Variants in OPCML observed in about 807,000 individuals in gnomAD.
The protein encoded by OPCML is opioid-binding protein/cell adhesion molecule.
A neutral mutation model predicts 37.8 loss-of-function variants in OPCML; 13 were observed. The ratio of observed to expected loss-of-function variants is 0.34; its 90% confidence interval spans 0.22 to 0.55. The LOEUF is 0.55. Among genes scored for constraint, OPCML ranks in the 20% least tolerant of loss-of-function variants. The pLI is 0.91. For missense variants in OPCML, 341 were observed against 435.6 expected (o/e 0.78, Z 1.93); for synonymous variants, 176 against 168.8 (o/e 1.04, Z -0.33).
At chr11:132,487,805 G>A (rs56054044) in intron 4 of OPCML, among the ~76,000 whole-genome samples, 6 of 152,302 alleles carry the variant, frequency 3.9e-5, no homozygotes, top group African/African-American at 7.2e-5. Context: ...CATCACTCAC[G>A]ATTGGCCATG....
At position 132,638,690 on chromosome 11, in the gene OPCML, T is replaced by A. The variant is rs372833774; in HGVS notation, c.379+18397A>T. Among the ~76,000 whole-genome samples, 93 of 152,274 alleles carry A rather than the reference T, an allele frequency of 6.1e-4. 1 individual carries two copies. Among genetic ancestry groups the A allele is most frequent in the African/African-American group, 2.2e-3 (91 of 41,552 alleles). On this transcript the variant is annotated intron_variant, in intron 3 of 7. Coordinates refer to ENST00000524381, the MANE Select transcript of OPCML (RefSeq NM_001012393.5). Reference sequence around the variant, plus strand: ...TCCATCCAGATCTGCTGCTTGTGATTCAACAGGCCCTGTGACCCCACCCAA... The same window carrying A: ...TCCATCCAGATCTGCTGCTTGTGATACAACAGGCCCTGTGACCCCACCCAA...
intron 1 of OPCML, among the ~76,000 whole-genome samples, chr11:133,111,001 T>C (rs1949243578): frequency 6.6e-6 from 1 of 152,120 alleles, no homozygotes; most frequent in Non-Finnish European, 1.5e-5. Flanking sequence ...ATCCATATGG[T>C]TTTTGATGAG....
intron 1 of OPCML, among the ~76,000 whole-genome samples, chr11:132,981,003 C>T (rs1946570186): frequency 6.6e-6 from 1 of 152,244 alleles, no homozygotes; most frequent in African/African-American, 2.4e-5. Context: ...TGTTACTATA[C>T]TGAATACTGC....
chr11:132,911,470 A>C (rs571274018), intron 2 of OPCML, among the ~76,000 whole-genome samples: 2 of 152,230 alleles, frequency 1.3e-5, no homozygotes, highest in African/African-American at 4.8e-5. Flanking sequence ...ATTCATCAAG[A>C]CATCCCGAGG....
chr11:133,113,211 A>G (rs1309210091), intron 1 of OPCML, among the ~76,000 whole-genome samples: 3 of 152,200 alleles, frequency 2.0e-5, no homozygotes, highest in East Asian at 1.9e-4. Flanking sequence ...ATCTCTTTCC[A>G]TCTGCCTTAT....
chr11:132,753,584 T>C (rs1215957617), intron 2 of OPCML, among the ~76,000 whole-genome samples: 2 of 149,926 alleles, frequency 1.3e-5, no homozygotes, highest in South Asian at 2.1e-4. Flanking sequence ...ATATGGATAA[T>C]AGGTAGACAG....
At chr11:132,990,690 T>C (rs1376151568) in intron 1 of OPCML, among the ~76,000 whole-genome samples, 1 of 152,176 alleles carries the variant, frequency 6.6e-6, no homozygotes, top group African/African-American at 2.4e-5. Flanking sequence ...TTTTTAAATA[T>C]ATGGCAAACC....
At chr11:132,840,120 C>T (rs564471464) in intron 2 of OPCML, among the ~76,000 whole-genome samples, 1 of 152,192 alleles carries the variant, frequency 6.6e-6, no homozygotes, top group East Asian at 1.9e-4. Flanking sequence ...CCACAGCAGC[C>T]ATCAGACAAT....
chr11:132,815,302 C>T (rs925181534), intron 2 of OPCML, among the ~76,000 whole-genome samples: 6 of 152,232 alleles, frequency 3.9e-5, no homozygotes, highest in East Asian at 1.9e-4. Flanking sequence ...CCTGTCAGCC[C>T]GCTGAATATT....
intron 3 of OPCML, among the ~76,000 whole-genome samples, chr11:132,615,830 A>G (rs2137879366): frequency 6.6e-6 from 1 of 152,352 alleles, no homozygotes; most frequent in Middle Eastern, 3.4e-3. Flanking sequence ...GAACCTGTAG[A>G]GAAGAAGAAT....
At chr11:132,544,252 C>A (rs1032793770) in intron 3 of OPCML, among the ~76,000 whole-genome samples, 1 of 152,038 alleles carries the variant, frequency 6.6e-6, no homozygotes, top group Non-Finnish European at 1.5e-5. Context: ...TACTCCAGAC[C>A]ATAACGTCAC....
At chr11:132,618,445 G>A (rs1034600578) in intron 3 of OPCML, among the ~76,000 whole-genome samples, 1 of 152,140 alleles carries the variant, frequency 6.6e-6, no homozygotes, top group African/African-American at 2.4e-5. Flanking sequence ...GTAGGTTGCA[G>A]TGAGCCGAGA....
intron 1 of OPCML, among the ~76,000 whole-genome samples, chr11:133,438,248 A>G: frequency 6.6e-6 from 1 of 152,210 alleles, no homozygotes; most frequent in East Asian, 1.9e-4. Context: ...ATAGCTGTCG[A>G]CAGAATTGTT....
intron 3 of OPCML, among the ~76,000 whole-genome samples, chr11:132,587,912 G>A (rs1755617729): frequency 6.6e-6 from 1 of 152,118 alleles, no homozygotes; most frequent in Non-Finnish European, 1.5e-5. Flanking sequence ...ATCTACCCTA[G>A]TGATTCACTT....
intron 1 of OPCML, among the ~76,000 whole-genome samples, chr11:133,239,825 C>T (rs929925531): frequency 6.6e-6 from 1 of 152,108 alleles, no homozygotes; most frequent in Non-Finnish European, 1.5e-5. Flanking sequence ...CAAAAGATCC[C>T]AGGAATGACA....
rs138364559 is a variant in OPCML, at chr11:133,052,130, C to T, written c.62-109120G>A. Among the ~76,000 whole-genome samples, 9 of 152,262 alleles carry T rather than the reference C, an allele frequency of 5.9e-5. No individual in the cohort carries two copies. In the East Asian group the frequency reaches 1.7e-3, roughly 29 times the overall value. ...CCCTTTGATTAAAATACACCAAAAA[C>T]ACTGTTCTGATGAGTAGGACATTAA... On this transcript the variant is annotated intron_variant, in intron 1 of 7. Transcript: ENST00000524381.
intron 2 of OPCML, among the ~76,000 whole-genome samples, chr11:132,710,252 T>C (rs1054187799): frequency 6.6e-6 from 1 of 152,104 alleles, no homozygotes; most frequent in African/African-American, 2.4e-5. Context: ...AAGAATTCAG[T>C]TTTTTTCTCA....
At chr11:133,376,530 T>G (rs1339606387) in intron 1 of OPCML, among the ~76,000 whole-genome samples, 1 of 152,216 alleles carries the variant, frequency 6.6e-6, no homozygotes, top group Non-Finnish European at 1.5e-5. Context: ...GTACATACTA[T>G]GTAGACATGT....
At chr11:132,796,993 T>C (rs1262397713) in intron 2 of OPCML, among the ~76,000 whole-genome samples, 1 of 152,218 alleles carries the variant, frequency 6.6e-6, no homozygotes, top group Non-Finnish European at 1.5e-5. Flanking sequence ...GGATTATTTA[T>C]ACACTCTAGA....
Sources: gnomAD v4.1 joint callset for allele counts (sites outside exome capture counted in the v4.1 genomes callset) on GRCh38, gnomAD v4.1.1 for gene constraint, MANE v1.5 for transcripts, NCBI Gene and HGNC (gene_info 2026-07-23, HGNC 2026-07-21) for gene names.